SYT1: variants seen among roughly 807,000 people sequenced by gnomAD.
The protein encoded by SYT1 is synaptotagmin 1, also known as synaptotagmin-1.
A neutral mutation model predicts 44.8 loss-of-function variants in SYT1; 8 were observed. The ratio of observed to expected loss-of-function variants is 0.18; its 90% confidence interval spans 0.10 to 0.32. SYT1 has a LOEUF of 0.32. Among genes scored for constraint, SYT1 ranks in the 10% least tolerant of loss-of-function variants. SYT1 has a pLI of 1.00. For missense variants in SYT1, 286 were observed against 509.3 expected (o/e 0.56, Z 4.22); for synonymous variants, 154 against 188.8 (o/e 0.82, Z 1.51).
At chr12:79,320,622 G>A (rs1881307888) in intron 8 of SYT1, among the ~76,000 whole-genome samples, 1 of 147,354 alleles carries the variant, frequency 6.8e-6, no homozygotes, top group African/African-American at 2.5e-5. Flanking sequence ...CCTCTCTCGG[G>A]TAATTTATCT....
At chr12:78,993,633 A>G (rs943369054) in intron 2 of SYT1, among the ~76,000 whole-genome samples, 1 of 152,236 alleles carries the variant, frequency 6.6e-6, no homozygotes, top group African/African-American at 2.4e-5. Flanking sequence ...TTTAAGCCAC[A>G]TTAAAATTTT....
chr12:78,964,647 A>G (rs1473584811), intron 1 of SYT1, among the ~76,000 whole-genome samples: 1 of 152,194 alleles, frequency 6.6e-6, no homozygotes, highest in Non-Finnish European at 1.5e-5. Flanking sequence ...GTAGTCATAC[A>G]AAGATACTAA....
intron 8 of SYT1, among the ~76,000 whole-genome samples, chr12:79,350,243 A>ATTCTTTTT (rs1882829928): frequency 1.5e-5 from 2 of 129,438 alleles, no homozygotes; most frequent in African/African-American, 6.1e-5. Context: ...CAGGATGCAT[A>ATTCTTTTT]TTCTTTTTTT....
intron 9 of SYT1, among the ~76,000 whole-genome samples, chr12:79,414,503 G>A (rs955113487): frequency 2.6e-5 from 4 of 152,136 alleles, no homozygotes; most frequent in African/African-American, 9.7e-5. Flanking sequence ...ATGCAATTTG[G>A]CACACTCTGT....
chr12:79,249,146 G>A (rs59116955), intron 4 of SYT1, among the ~76,000 whole-genome samples: 6,037 of 119,136 alleles, frequency 0.051, 232 homozygotes, highest in East Asian at 0.16. Context: ...CGCCCAGGCC[G>A]GACTGCGGAC....
chr12:79,111,065 A>C (rs1444954932), intron 3 of SYT1, among the ~76,000 whole-genome samples: 1 of 152,142 alleles, frequency 6.6e-6, no homozygotes, highest in Non-Finnish European at 1.5e-5. Flanking sequence ...TATAAAGTAT[A>C]GCAATGAAAA....
intron 3 of SYT1, among the ~76,000 whole-genome samples, chr12:79,183,129 C>G (rs1872630935): frequency 6.6e-6 from 1 of 152,042 alleles, no homozygotes; most frequent in African/African-American, 2.4e-5. Context: ...GAGATTCAAG[C>G]TAGACAAACT....
intron 9 of SYT1, among the ~76,000 whole-genome samples, chr12:79,355,248 A>G (rs1049408178): frequency 5.3e-5 from 8 of 152,202 alleles, no homozygotes; most frequent in East Asian, 1.9e-4. Flanking sequence ...GCTTACAGTC[A>G]TATAATGTAT....
intron 9 of SYT1, among the ~76,000 whole-genome samples, chr12:79,370,766 AAATAAT>A (rs534948655): frequency 6.6e-6 from 1 of 152,062 alleles, no homozygotes; most frequent in African/African-American, 2.4e-5. Flanking sequence ...CCGTCTCAAA[AAATAAT>A]AATAATAAAA....
chr12:79,111,471 T>C (rs1879007606), intron 3 of SYT1, among the ~76,000 whole-genome samples: 1 of 152,024 alleles, frequency 6.6e-6, no homozygotes, highest in African/African-American at 2.4e-5. Flanking sequence ...CATCTTAACA[T>C]AATAATAAGT....
chr12:79,098,916 C>T (rs573330939), intron 3 of SYT1, among the ~76,000 whole-genome samples: 1 of 152,228 alleles, frequency 6.6e-6, no homozygotes, highest in Non-Finnish European at 1.5e-5. Flanking sequence ...TTCAACTGGT[C>T]CAATGTATGA....
intron 1 of SYT1, among the ~76,000 whole-genome samples, chr12:78,929,509 C>A (rs1877515350): frequency 7.7e-6 from 1 of 129,200 alleles, no homozygotes; most frequent in Admixed American, 8.8e-5. Context: ...ATTTTACTTT[C>A]TAACTTCACA....
chr12:79,035,154 C>T (rs574795928), intron 2 of SYT1, among the ~76,000 whole-genome samples: 20 of 151,768 alleles, frequency 1.3e-4, no homozygotes, highest in South Asian at 8.3e-4. Flanking sequence ...AAAAATCTCA[C>T]GCCGAACCCC....
rs1416960647 is a variant in SYT1 at position 79,217,663 on chromosome 12, G to A, written c.144G>A (p.Met48Ile). ...DAFSKLKEKFMNELHKIPLPP... is the reference protein window; with the variant it reads ...DAFSKLKEKFINELHKIPLPP... ...TTTCTAAGCTGAAGGAGAAGTTTAT[G>A]AATGAGTTGCATAAAATTCCATGTG... Residue 48 changes from methionine (M) to isoleucine (I), a missense_variant, in exon 4 of 11, where the codon ATG (methionine) becomes ATA (isoleucine). Met to Ile is a conservative substitution (Grantham distance 10). This residue lies in a region of SYT1 where 141 missense variants were observed against 165.7 expected (regional missense o/e 0.85). Transcript: ENST00000261205. The A allele has an allele frequency of 1.2e-6, 2 of 1,612,512 alleles. No individual in the cohort carries two copies. The highest frequency in any genetic ancestry group is 2.2e-5 in the South Asian group (2 of 90,910).
intron 2 of SYT1, among the ~76,000 whole-genome samples, chr12:78,997,115 C>T (rs571137786): frequency 2.0e-5 from 3 of 152,158 alleles, no homozygotes; most frequent in Non-Finnish European, 4.4e-5. Context: ...CTCTATATCT[C>T]TCAGTTCCAA....
intron 10 of SYT1, among the ~76,000 whole-genome samples, chr12:79,446,998 T>C (rs532154062): frequency 6.6e-6 from 1 of 152,276 alleles, no homozygotes; most frequent in South Asian, 2.1e-4. Context: ...AATATCCTTT[T>C]CAACTACAAA....
chr12:79,017,585 G>GGCAT (rs1470793326), intron 2 of SYT1, among the ~76,000 whole-genome samples: 1 of 152,060 alleles, frequency 6.6e-6, no homozygotes, highest in Non-Finnish European at 1.5e-5. Context: ...AATCTAAAAG[G>GGCAT]GCATGACACA....
At chr12:79,042,748 C>T (rs1333440607) in intron 2 of SYT1, among the ~76,000 whole-genome samples, 1 of 149,578 alleles carries the variant, frequency 6.7e-6, no homozygotes, top group African/African-American at 2.4e-5. Flanking sequence ...TTCCTGCTTT[C>T]TCCTGTGGGC....
At chr12:79,175,471 G>C (rs1373757448) in intron 3 of SYT1, among the ~76,000 whole-genome samples, 2 of 151,990 alleles carry the variant, frequency 1.3e-5, no homozygotes, top group African/African-American at 4.8e-5. Flanking sequence ...CATTAGCAAG[G>C]ACCCTTCTTA....
Sources: allele counts gnomAD v4.1 joint callset (sites outside exome capture counted in the v4.1 genomes callset), GRCh38; gene constraint gnomAD v4.1.1; regional missense constraint gnomAD v4.1.1; transcripts MANE v1.5; gene names NCBI Gene and HGNC (gene_info 2026-07-23, HGNC 2026-07-21).